Variants in GRK3 observed in about 807,000 individuals in gnomAD.
GRK3 encodes the protein adrenergic, beta, receptor kinase 2.
In GRK3, 54 loss-of-function variants were observed where a neutral mutation model predicts 95.7. The observed-to-expected ratio is 0.56, with a 90% confidence interval of 0.45 to 0.71. GRK3 has a LOEUF of 0.71. Among genes scored for constraint, GRK3 ranks in the 30% least tolerant of loss-of-function variants. The probability of loss-of-function intolerance (pLI) is 0.00; values close to 1 mark genes in which losing one functional copy is unlikely to be tolerated. For synonymous variants in GRK3, 281 were observed against 290.8 expected (o/e 0.97, Z 0.34); for missense variants, 649 against 851.2 (o/e 0.76, Z 2.96).
At chr22:25,671,289 G>T (rs896980677) in intron 6 of GRK3, among the ~76,000 whole-genome samples, 4 of 152,216 alleles carry the variant, frequency 2.6e-5, no homozygotes, top group African/African-American at 9.6e-5. Context: ...GCAGTAAGCC[G>T]AGATGGCGCC....
intron 7 of GRK3, among the ~76,000 whole-genome samples, chr22:25,673,511 C>G (rs1017500534): frequency 1.3e-5 from 2 of 151,704 alleles, no homozygotes; most frequent in African/African-American, 4.8e-5. Flanking sequence ...CTCTAAAAAC[C>G]CCTTATATCT....
chr22:25,569,151 A>G (rs1931595596), intron 1 of GRK3, among the ~76,000 whole-genome samples: 1 of 152,244 alleles, frequency 6.6e-6, no homozygotes, highest in Admixed American at 6.5e-5. Context: ...TGAACTGAAA[A>G]GTCCACGTTG....
rs573887307 is a variant in GRK3, at chr22:25,638,959, G to A, written c.191-5633G>A. Among the ~76,000 whole-genome samples the A allele has an allele frequency of 1.9e-3, 292 of 152,220 alleles. 1 individual carries two copies. Among genetic ancestry groups the A allele is most frequent in the African/African-American group, 6.9e-3 (286 of 41,542 alleles). On this transcript the variant is annotated intron_variant, in intron 2 of 20. Coordinates refer to ENST00000324198, the MANE Select transcript of GRK3 (RefSeq NM_005160.4). ...ACCAATGATGCTGAGTCCCTTTCAT[G>A]GGCTTACTGGCTGTTTCTATCCCTT...
intron 1 of GRK3, 72 bp from the exon 2 acceptor site, chr22:25,604,305 C>T: frequency 9.1e-7 from 1 of 1,102,180 alleles, no homozygotes; most frequent in Non-Finnish European, 1.3e-6. Flanking sequence ...ACATCCGTAT[C>T]TCTTCCATCC....
intron 19 of GRK3, among the ~76,000 whole-genome samples, chr22:25,719,950 C>T (rs930053725): frequency 1.4e-4 from 22 of 152,120 alleles, no homozygotes; most frequent in Admixed American, 1.1e-3. Context: ...GAAAGAAGAT[C>T]TTCCCAACCA....
intron 13 of GRK3, among the ~76,000 whole-genome samples, chr22:25,701,498 T>A (rs1398943025): frequency 1.3e-5 from 2 of 152,344 alleles, no homozygotes; most frequent in Admixed American, 6.5e-5. Flanking sequence ...ATGGAATCGC[T>A]ATATTTATAA....
At chr22:25,646,081 T>C (rs1319226410) in intron 3 of GRK3, among the ~76,000 whole-genome samples, 1 of 152,088 alleles carries the variant, frequency 6.6e-6, no homozygotes, top group Non-Finnish European at 1.5e-5. Flanking sequence ...AGGTAGGTAA[T>C]AACATTATAT....
chr22:25,684,075 A>C (rs937099602), intron 9 of GRK3, among the ~76,000 whole-genome samples: 1 of 152,232 alleles, frequency 6.6e-6, no homozygotes, highest in Admixed American at 6.5e-5. Flanking sequence ...TTTATTGTAC[A>C]GATATTCAGT....
intron 2 of GRK3, among the ~76,000 whole-genome samples, chr22:25,627,221 G>T (rs2084634237): frequency 6.6e-6 from 1 of 152,082 alleles, no homozygotes; most frequent in African/African-American, 2.4e-5. Context: ...TGAAACAATT[G>T]CCCACTTATA....
intron 5 of GRK3, 40 bp from the exon 6 acceptor site, chr22:25,667,699 C>A: frequency 6.9e-7 from 1 of 1,453,194 alleles, no homozygotes; most frequent in Non-Finnish European, 9.6e-7. Flanking sequence ...TGATACATTC[C>A]GATTCATTCA....
At chr22:25,604,537 T>C in intron 2 of GRK3, 84 bp downstream of exon 2, 1 of 828,734 alleles carries the variant, frequency 1.2e-6, no homozygotes, top group Non-Finnish European at 1.9e-6. Context: ...ATGCACCCCC[T>C]AGTGCTTTAT....
intron 2 of GRK3, among the ~76,000 whole-genome samples, chr22:25,608,677 A>G (rs200510917): frequency 0.027 from 4,050 of 152,196 alleles, 77 homozygotes; most frequent in Non-Finnish European, 0.037. Context: ...CCCAAACCAC[A>G]AAGCACAGAA....
intron 7 of GRK3, among the ~76,000 whole-genome samples, chr22:25,672,781 T>G (rs1365341181): frequency 6.6e-6 from 1 of 152,160 alleles, no homozygotes; most frequent in Non-Finnish European, 1.5e-5. Flanking sequence ...CATCTTCTTT[T>G]TTATCATTTT....
chr22:25,601,908 A>G (rs921741753), intron 1 of GRK3, among the ~76,000 whole-genome samples: 3 of 152,238 alleles, frequency 2.0e-5, no homozygotes, highest in African/African-American at 7.2e-5. Context: ...TATAGCTTAC[A>G]GTCTTCATGA....
In GRK3 at chr22:25,690,067, A is replaced by G. The variant is rs567218351; in HGVS notation, c.958-122A>G. ...CTTTGATGTGATGGGCTAAAGCTAT[A>G]ATTTGTGTTTAGGAACAAACTATGA... On this transcript the variant is annotated intron_variant, in intron 11 of 20. Coordinates refer to ENST00000324198, the MANE Select transcript of GRK3 (RefSeq NM_005160.4). The G allele has an allele frequency of 3.4e-4, 231 of 670,824 alleles. 3 individuals are homozygous for G. In the East Asian group the frequency reaches 6.3e-3, roughly 18 times the overall value. The allele number at this position is 670,824 out of a possible 1,614,324, so 41.6% of individuals were successfully genotyped here.
intron 1 of GRK3, among the ~76,000 whole-genome samples, chr22:25,601,173 G>A (rs878934300): frequency 3.3e-5 from 5 of 152,194 alleles, no homozygotes; most frequent in Admixed American, 2.6e-4. Context: ...CCCAGTTGGT[G>A]TTTATGAATC....
intron 1 of GRK3, among the ~76,000 whole-genome samples, chr22:25,599,664 G>T (rs1321760585): frequency 6.7e-6 from 1 of 149,878 alleles, no homozygotes; most frequent in African/African-American, 2.4e-5. Context: ...AACATATAAA[G>T]AACTCTATGA....
intron 1 of GRK3, among the ~76,000 whole-genome samples, chr22:25,595,556 C>G (rs1244035317): frequency 1.3e-5 from 2 of 151,978 alleles, no homozygotes; most frequent in South Asian, 4.1e-4. Flanking sequence ...AAGAAAATTA[C>G]AAGTAGAACA....
intron 2 of GRK3, among the ~76,000 whole-genome samples, chr22:25,615,823 G>A (rs1201223718): frequency 6.8e-6 from 1 of 146,846 alleles, no homozygotes; most frequent in African/African-American, 2.6e-5. Flanking sequence ...TTTAAACAGG[G>A]TGTTTTAAGA....
Sources: gnomAD v4.1 joint callset for allele counts (sites outside exome capture counted in the v4.1 genomes callset) on GRCh38, gnomAD v4.1.1 for gene constraint, MANE v1.5 for transcripts, NCBI Gene and HGNC (gene_info 2026-07-23, HGNC 2026-07-21) for gene names.